The following ARPC2 variants were observed in gnomAD, a reference collection of about 807,000 sequenced individuals.
ARPC2 encodes the protein actin related protein 2/3 complex subunit 2, also known as actin-related protein 2/3 complex subunit 2.
ARPC2 carries 4 observed loss-of-function variants against 38.6 expected under a neutral mutation model. The ratio of observed to expected loss-of-function variants is 0.10; its 90% CI spans 0.05 to 0.24. The LOEUF (loss-of-function observed/expected upper bound fraction) is 0.24. Among genes scored for constraint, ARPC2 ranks in the 10% least tolerant of loss-of-function variants. The probability of loss-of-function intolerance (pLI) is 1.00; values close to 1 mark genes in which losing one functional copy is unlikely to be tolerated. For synonymous variants in ARPC2, 125 were observed against 140.8 expected (o/e 0.89, Z 0.79); for missense variants, 229 against 387.3 (o/e 0.59, Z 3.43).
intron 2 of ARPC2, among the ~76,000 whole-genome samples, chr2:218,222,921 C>T (rs1220488744): frequency 6.6e-6 from 1 of 152,142 alleles, no homozygotes; most frequent in African/African-American, 2.4e-5. Flanking sequence ...CCTTGTTTAT[C>T]GTATGGCACA....
At position 218,217,238 on chromosome 2, in the gene ARPC2, C is replaced by T. The variant is rs971424727; in HGVS notation, c.-25C>T. 8.6e-6 allele frequency: 4 copies of T among 467,418 alleles called. No individual in the cohort carries two copies. The highest frequency in any genetic ancestry group is 1.5e-5 in the Non-Finnish European group (4 of 267,908). 29.0% of individuals were successfully genotyped at this position (467,418 alleles called of 1,614,324 possible). Reference sequence around the variant, plus strand: ...GCGGCGGCGGCTCGGCAGGCGGGTTCAGGCTTCGGGGGCCAGGTCGGTTGG... The same window carrying T: ...GCGGCGGCGGCTCGGCAGGCGGGTTTAGGCTTCGGGGGCCAGGTCGGTTGG... On this transcript the variant is annotated 5_prime_UTR_variant, in exon 1 of 11. Transcript: ENST00000315717.
At chr2:218,222,738 C>A (rs1308657216) in intron 2 of ARPC2, among the ~76,000 whole-genome samples, 3 of 152,222 alleles carry the variant, frequency 2.0e-5, no homozygotes. Flanking sequence ...GAGCTAGGCA[C>A]TGTGCTATAT....
At chr2:218,252,051 C>T (rs1478880333) in intron 10 of ARPC2, among the ~76,000 whole-genome samples, 1 of 152,050 alleles carries the variant, frequency 6.6e-6, no homozygotes, top group Non-Finnish European at 1.5e-5. Flanking sequence ...TGGAGAAACC[C>T]CATCTCTACT....
Position 218,237,654 on chromosome 2 carries a change from C to T in ARPC2, c.269-1010C>T, listed in dbSNP as rs112277565. Among the ~76,000 whole-genome samples the T allele has an allele frequency of 6.5e-3, 987 of 151,874 alleles. 4 individuals are homozygous for T. The highest frequency in any genetic ancestry group is 9.7e-3 in the Non-Finnish European group (657 of 67,986). On this transcript the variant is annotated intron_variant, in intron 5 of 10. Coordinates refer to ENST00000315717, the MANE Select transcript of ARPC2 (RefSeq NM_152862.3). ...CAATATCAGCTCGCTGTAACCTCCACCTCCTGGGTTCAAGCAATTCTCCTG... is the reference window on the plus strand; with the variant it reads ...CAATATCAGCTCGCTGTAACCTCCATCTCCTGGGTTCAAGCAATTCTCCTG...
chr2:218,252,905 G>A (rs111837712), intron 10 of ARPC2: 10,752 of 456,532 alleles, frequency 0.024, 981 homozygotes, highest in African/African-American at 0.19. Flanking sequence ...CTCCTCTCTG[G>A]GACTTAGAAA....
At chr2:218,225,786 C>T (rs1478698849) in intron 2 of ARPC2, 134 bp from the exon 3 acceptor site, 1 of 735,602 alleles carries the variant, frequency 1.4e-6, no homozygotes, top group Non-Finnish European at 2.3e-6. Flanking sequence ...GAATTGTGTA[C>T]TCTGATTGGC....
intron 4 of ARPC2, chr2:218,233,821 A>C (rs1689701646): frequency 6.6e-6 from 1 of 152,498 alleles, no homozygotes; most frequent in Non-Finnish European, 1.5e-5. Flanking sequence ...GGAGGAGAAC[A>C]GAGAACATAT....
intron 7 of ARPC2, among the ~76,000 whole-genome samples, chr2:218,242,623 G>A (rs960133057): frequency 1.3e-5 from 2 of 152,220 alleles, no homozygotes; most frequent in Non-Finnish European, 2.9e-5. Flanking sequence ...ACCAGTGATG[G>A]AGAGGAGTGC....
intron 8 of ARPC2, among the ~76,000 whole-genome samples, chr2:218,246,075 G>A (rs980679993): frequency 2.0e-5 from 3 of 152,038 alleles, no homozygotes; most frequent in African/African-American, 7.3e-5. Context: ...AAATTAGCTG[G>A]GCATGGTGGC....
In ARPC2 at chr2:218,217,528, G is replaced by A; in HGVS notation, c.58G>A (p.Glu20Lys). ...IIEETLALKF[E>K]NAAAGNKPEA... ...CGAGGAGACGCTCGCGCTCAAGTTC[G>A]AGAACGCGGCCGCCGGGTGAGCGCG... Residue 20 changes from glutamate (E) to lysine (K), a missense_variant, in exon 2 of 11, where the codon GAG becomes AAG. Physicochemically the swap from Glu to Lys is moderately conservative, Grantham distance 56. Around this residue, in one of 3 missense-constraint regions of ARPC2, gnomAD observed 135 missense variants for 214.1 expected, o/e 0.63. Transcript: ENST00000315717. 6 of 1,613,206 alleles carry A rather than the reference G, an allele frequency of 3.7e-6. No individual in the cohort carries two copies. The highest frequency in any genetic ancestry group is 1.7e-5 in the Admixed American group (1 of 59,982).
chr2:218,231,550 C>CT (rs979445514), intron 4 of ARPC2, among the ~76,000 whole-genome samples: 7 of 151,978 alleles, frequency 4.6e-5, no homozygotes, highest in South Asian at 2.1e-4. Context: ...ATGCATGTTA[C>CT]TTTTTTTTAA....
At chr2:218,233,121 T>C (rs1453409972) in intron 4 of ARPC2, 1 of 151,960 alleles carries the variant, frequency 6.6e-6, no homozygotes, top group African/African-American at 2.4e-5. Context: ...ATTGTATCAA[T>C]GCACTGTAGC....
intron 2 of ARPC2, among the ~76,000 whole-genome samples, chr2:218,218,047 A>G (rs1347703179): frequency 6.6e-6 from 1 of 152,202 alleles, no homozygotes; most frequent in Non-Finnish European, 1.5e-5. Context: ...TAAAAGGAGC[A>G]GAAGAGAAGA....
chr2:218,252,354 G>A (rs1245865710), intron 10 of ARPC2, among the ~76,000 whole-genome samples: 2 of 152,162 alleles, frequency 1.3e-5, no homozygotes, highest in African/African-American at 4.8e-5. Flanking sequence ...CAGCTTCTTG[G>A]GCAGATCTTT....
chr2:218,221,216 G>A (rs1388642367), intron 2 of ARPC2, among the ~76,000 whole-genome samples: 1 of 152,198 alleles, frequency 6.6e-6, no homozygotes, highest in African/African-American at 2.4e-5. Flanking sequence ...GTATATTGCG[G>A]GGAGCTGTGG....
At chr2:218,247,671 C>T (rs1416464722) in intron 8 of ARPC2, among the ~76,000 whole-genome samples, 4 of 151,926 alleles carry the variant, frequency 2.6e-5, no homozygotes, top group Non-Finnish European at 4.4e-5. Context: ...CAGCTGGGCA[C>T]GGTGGCTCAC....
chr2:218,229,446 T>C (rs1689581108), intron 4 of ARPC2: 1 of 152,230 alleles, frequency 6.6e-6, no homozygotes, highest in South Asian at 2.1e-4. Flanking sequence ...GAGCCATTTA[T>C]GGAAGAAAGA....
At chr2:218,243,799 C>T (rs1449681584) in intron 7 of ARPC2, among the ~76,000 whole-genome samples, 2 of 152,180 alleles carry the variant, frequency 1.3e-5, no homozygotes, top group Non-Finnish European at 2.9e-5. Flanking sequence ...AGAATAGGCC[C>T]AAGCCAGAAA....
chr2:218,252,903 T>G (rs1200337016), intron 10 of ARPC2: 2 of 456,534 alleles, frequency 4.4e-6, no homozygotes. Context: ...GCCTCCTCTC[T>G]GGGACTTAGA....
Sources: gnomAD v4.1 joint callset for allele counts (sites outside exome capture counted in the v4.1 genomes callset) on GRCh38, gnomAD v4.1.1 for gene constraint, gnomAD v4.1.1 regional missense constraint, MANE v1.5 for transcripts, NCBI Gene and HGNC (gene_info 2026-07-23, HGNC 2026-07-21) for gene names.